DENND6B: variants seen among roughly 807,000 people sequenced by gnomAD.
The protein encoded by DENND6B is DENN domain containing 6B.
A neutral mutation model predicts 85.1 loss-of-function variants in DENND6B; 73 were observed. The observed-to-expected ratio is 0.86, with a 90% CI of 0.71 to 1.04. The LOEUF (loss-of-function observed/expected upper bound fraction) is 1.04, where lower values mean the gene tolerates loss of function less well. Among genes scored for constraint, DENND6B ranks in the 50% least tolerant of loss-of-function variants. The pLI, the probability that DENND6B is intolerant of heterozygous loss-of-function variation, is 0.00. For missense variants in DENND6B, 715 were observed against 785.8 expected (o/e 0.91, Z 1.08); for synonymous variants, 357 against 329.3 (o/e 1.08, Z -0.91).
intron 6 of DENND6B, 57 bp downstream of exon 6, chr22:50,316,313 C>A (rs527360099): frequency 9.0e-6 from 14 of 1,562,970 alleles, no homozygotes; most frequent in Admixed American, 7.7e-5. Flanking sequence ...GCCGAGCCCA[C>A]CAGGGGCCAC....
chr22:50,312,966 G>T, intron 17 of DENND6B, 33 bp downstream of exon 17: 1 of 1,535,078 alleles, frequency 6.5e-7, no homozygotes, highest in South Asian at 1.2e-5. Context: ...GACCAAGGAG[G>T]GCTCAAGCTG....
chr22:50,312,225 C>A lies in DENND6B; in HGVS notation c.1672G>T (p.Ala558Ser), dbSNP rs1186462987. Residue 558 changes from alanine to serine, a missense_variant, in exon 20 of 20, where the codon GCT becomes TCT. By Grantham distance (99) the Ala-to-Ser change is moderately conservative. Coordinates refer to ENST00000413817, the MANE Select transcript of DENND6B (RefSeq NM_001001794.4). ...TACAGCTGTGCCCGCTGCAGCGTAG[C>A]CTCCTTCACAGGGAGCTGGTGGCCC... The part of the protein sequence containing the change: ...AQGHQLPVKE[A>S]TLQRAQLYIE... The A allele has an allele frequency of 1.9e-6, 3 of 1,612,258 alleles. No homozygotes were observed. Among genetic ancestry groups the A allele is most frequent in the Non-Finnish European group, 2.5e-6 (3 of 1,179,702 alleles).
At chr22:50,312,455 C>T in intron 18 of DENND6B, 38 bp from the exon 19 acceptor site, 1 of 1,594,818 alleles carries the variant, frequency 6.3e-7, no homozygotes, top group Non-Finnish European at 8.5e-7. Context: ...AGCAAGGCCC[C>T]TCACTGCCCT....
At chr22:50,322,546 T>G (rs989973253) in intron 1 of DENND6B, among the ~76,000 whole-genome samples, 11 of 151,930 alleles carry the variant, frequency 7.2e-5, no homozygotes, top group Admixed American at 2.0e-4. Context: ...AAAAAAAATT[T>G]TTGTCTTTTT....
chr22:50,321,825 C>A (rs940766055), intron 1 of DENND6B, among the ~76,000 whole-genome samples: 2 of 151,954 alleles, frequency 1.3e-5, no homozygotes, highest in Non-Finnish European at 2.9e-5. Context: ...CGCCCCCACA[C>A]ATGGCCAATT....
At chr22:50,316,877 A>ACT in intron 5 of DENND6B, 1 of 340,720 alleles carries the variant, frequency 2.9e-6, no homozygotes, top group Non-Finnish European at 4.1e-6. Context: ...GGACCAGGAC[A>ACT]GAAGGGCCTT....
chr22:50,314,050 AAG>A (rs1302428922), intron 13 of DENND6B, 155 bp downstream of exon 13: 1 of 1,264,106 alleles, frequency 7.9e-7, no homozygotes, highest in Non-Finnish European at 1.1e-6. Flanking sequence ...CACTGAAGAG[AAG>A]AGAGCGACCC....
intron 12 of DENND6B, 35 bp downstream of exon 12, chr22:50,314,365 G>C (rs1017907111): frequency 1.3e-6 from 2 of 1,569,744 alleles, no homozygotes; most frequent in Non-Finnish European, 1.7e-6. Context: ...CGAGGCTTCT[G>C]AGCAGCACCC....
At chr22:50,316,847 G>T in intron 5 of DENND6B, 1 of 926,762 alleles carries the variant, frequency 1.1e-6, no homozygotes, top group Non-Finnish European at 1.4e-6. Context: ...CCAGCCATCA[G>T]TGAGGGGCAG....
chr22:50,321,533 T>C (rs1015438294), intron 1 of DENND6B, among the ~76,000 whole-genome samples: 9 of 151,086 alleles, frequency 6.0e-5, no homozygotes, highest in African/African-American at 1.2e-4. Flanking sequence ...GCTAACATTT[T>C]TCTATTTTTT....
chr22:50,317,876 G>A, intron 4 of DENND6B, 32 bp downstream of exon 4: 1 of 1,584,032 alleles, frequency 6.3e-7, no homozygotes, highest in South Asian at 1.1e-5. Flanking sequence ...GAGCAGGGGA[G>A]AAGCAGGCCA....
chr22:50,312,035 G>C lies in DENND6B; in HGVS notation c.*104C>G, dbSNP rs891431405. On this transcript the variant is annotated 3_prime_UTR_variant, in exon 20 of 20. Transcript: ENST00000413817. ...AAGGGGAGCCTGCAGTCTGGGCGGG[G>C]GGCCAAGGAAGGGGAGCGTGTGCTT... 1 of 1,506,058 alleles carries C rather than the reference G, an allele frequency of 6.6e-7. No homozygotes were observed. Among genetic ancestry groups the C allele is most frequent in the African/African-American group, 1.4e-5 (1 of 72,326 alleles). The allele number at this position is 1,506,058 out of a possible 1,614,324, so 93.3% of individuals were successfully genotyped here.
In DENND6B at chr22:50,318,019, G is replaced by A. The variant is rs1376261830; in HGVS notation, c.261C>T (p.Gly87=). The change falls in exon 4 of 20, where the codon GGC becomes GGT. Residue 87 remains glycine (G), a splice_region_variant and synonymous_variant. Transcript: ENST00000413817. ...AGCTGAACTGAGTGTCTCCAAGGCA[G>A]CCTAAGAAGGGGCAGCCCCACCACA... ...CYLSFPDSHS[G]CLGDTQFSFR... 1.2e-6 allele frequency: 2 copies of A among 1,611,892 alleles called. No homozygotes were observed. Among genetic ancestry groups the A allele is most frequent in the Non-Finnish European group, 1.7e-6 (2 of 1,179,544 alleles).
intron 1 of DENND6B, 64 bp from the exon 2 acceptor site, chr22:50,319,067 C>T (rs1569205458): frequency 4.5e-6 from 7 of 1,551,450 alleles, no homozygotes; most frequent in Non-Finnish European, 6.1e-6. Flanking sequence ...CCCTCGACAG[C>T]ATCTGCTGGA....
chr22:50,313,406 G>A (rs371779522), intron 16 of DENND6B, 40 bp downstream of exon 16: 27 of 1,532,534 alleles, frequency 1.8e-5, no homozygotes, highest in African/African-American at 6.9e-5. Context: ...AAGGGAACCC[G>A]CCCTCCATGG....
At position 50,313,625 on chromosome 22, in the gene DENND6B, C is replaced by T. The variant is rs748869100; in HGVS notation, c.1293+10G>A. ...CCCCCAGTCCCATGTCCCCCAGCCC[C>T]GGGCCTCACCAGGGGGATGATGAAG... On this transcript the variant is annotated intron_variant, in intron 15 of 19. Coordinates refer to ENST00000413817, the MANE Select transcript of DENND6B (RefSeq NM_001001794.4). 5.7e-5 allele frequency: 89 copies of T among 1,564,120 alleles called. 1 individual carries two copies. Among genetic ancestry groups the T allele is most frequent in the South Asian group, 4.8e-4 (41 of 85,060 alleles).
At chr22:50,319,035 CA>C in intron 1 of DENND6B, 32 bp from the exon 2 acceptor site, 1 of 1,577,928 alleles carries the variant, frequency 6.3e-7, no homozygotes, top group South Asian at 1.2e-5. Context: ...TTGGTGACAC[CA>C]TCTGTCCGAG....
Position 50,312,108 on chromosome 22 carries a change from G to C in DENND6B, c.*31C>G. 6.2e-7 allele frequency: 1 copy of C among 1,608,572 alleles called. No individual in the cohort carries two copies. The highest frequency in any genetic ancestry group is 8.5e-7 in the Non-Finnish European group (1 of 1,177,770). On this transcript the variant is annotated 3_prime_UTR_variant, in exon 20 of 20. Transcript: ENST00000413817. ...GGAGTGGGAGGCTCAGGCAGACCTA[G>C]GGCCCTGGGACCGTGGCCCTTGGCT...
At chr22:50,319,444 C>A (rs2041970779) in intron 1 of DENND6B, 1 of 985,296 alleles carries the variant, frequency 1.0e-6, no homozygotes, top group African/African-American at 1.7e-5. Flanking sequence ...CCACCTCTTG[C>A]CCAGACTGCA....
Sources: gnomAD v4.1 joint callset for allele counts (sites outside exome capture counted in the v4.1 genomes callset) on GRCh38, gnomAD v4.1.1 for gene constraint, MANE v1.5 for transcripts, NCBI Gene and HGNC (gene_info 2026-07-23, HGNC 2026-07-21) for gene names.